Variants in SLC22A4 observed in about 807,000 individuals in gnomAD.
The protein encoded by SLC22A4 is solute carrier family 22 member 4, also known as ET transporter.
SLC22A4 carries 39 observed loss-of-function variants against 56.6 expected under a neutral mutation model. That is an observed-to-expected ratio of 0.69 (90% CI 0.53 to 0.90). The LOEUF (loss-of-function observed/expected upper bound fraction) is 0.90. Among genes scored for constraint, SLC22A4 ranks in the 40% least tolerant of loss-of-function variants. The probability of loss-of-function intolerance (pLI) is 0.00; values close to 1 mark genes in which losing one functional copy is unlikely to be tolerated. For synonymous variants in SLC22A4, 241 were observed against 281.4 expected, an observed-to-expected ratio of 0.86 and a Z score of 1.44; for missense variants, 594 against 696.5, an observed-to-expected ratio of 0.85 and a Z score of 1.66.
At chr5:132,316,420 C>T (rs920138845) in intron 3 of SLC22A4, among the ~76,000 whole-genome samples, 11 of 152,110 alleles carry the variant, frequency 7.2e-5, no homozygotes, top group Non-Finnish European at 1.3e-4. Context: ...GTTCCAGCTC[C>T]CCTCACAATC....
intron 1 of SLC22A4, among the ~76,000 whole-genome samples, chr5:132,309,964 G>T (rs1171315047): frequency 6.6e-6 from 1 of 152,272 alleles, no homozygotes; most frequent in East Asian, 1.9e-4. Flanking sequence ...ACTGCAGATG[G>T]AATGATGATG....
intron 1 of SLC22A4, among the ~76,000 whole-genome samples, chr5:132,310,260 T>A (rs1225903201): frequency 6.6e-6 from 1 of 152,256 alleles, no homozygotes; most frequent in Non-Finnish European, 1.5e-5. Context: ...TCTCACAGTC[T>A]CAGTTTAATC....
In SLC22A4 at chr5:132,313,517, A is replaced by G. The variant is rs1343584429; in HGVS notation, c.498-97A>G. The G allele has an allele frequency of 8.5e-6, 10 of 1,171,936 alleles. No individual in the cohort carries two copies. The Admixed American group carries it at 1.7e-4, about 20-fold the overall frequency. 72.6% of individuals were successfully genotyped at this position (1,171,936 alleles called of 1,614,324 possible). ...GAGAAAAAAGTCTGCCAGAGCCCTG[A>G]AAAAACACTAAGTCTGCATTGATGC... On this transcript the variant is annotated intron_variant, in intron 2 of 9. Coordinates refer to ENST00000200652, the MANE Select transcript of SLC22A4 (RefSeq NM_003059.3).
intron 6 of SLC22A4, chr5:132,332,317 A>G (rs753709542): frequency 4.4e-4 from 84 of 190,834 alleles, no homozygotes; most frequent in Admixed American, 5.8e-4. Context: ...CCATCTAAAA[A>G]AAAAAAAGTC....
intron 1 of SLC22A4, among the ~76,000 whole-genome samples, chr5:132,307,562 C>G (rs957822508): frequency 2.0e-5 from 3 of 152,178 alleles, no homozygotes; most frequent in Non-Finnish European, 4.4e-5. Context: ...ATAAAATGCT[C>G]TACTAGTATG....
At chr5:132,334,657 C>T (rs1262343185) in intron 6 of SLC22A4, 61 bp from the exon 7 acceptor site, 1 of 1,153,560 alleles carries the variant, frequency 8.7e-7, no homozygotes, top group Non-Finnish European at 1.3e-6. Flanking sequence ...ATTTCTTGAC[C>T]ATCATAAAAT....
At chr5:132,311,682 A>T (rs1310466813) in intron 1 of SLC22A4, 1 of 186,004 alleles carries the variant, frequency 5.4e-6, no homozygotes, top group Non-Finnish European at 1.1e-5. Flanking sequence ...AGCTCCTGGA[A>T]CCACTTGCAC....
chr5:132,295,081 C>T, intron 1 of SLC22A4, 72 bp downstream of exon 1: 1 of 1,505,818 alleles, frequency 6.6e-7, no homozygotes, highest in Non-Finnish European at 9.1e-7. Flanking sequence ...CCTTGAGACT[C>T]CCTGCGCAGT....
chr5:132,340,336 C>A (rs73787148), intron 8 of SLC22A4, among the ~76,000 whole-genome samples: 51 of 152,140 alleles, frequency 3.4e-4, no homozygotes, highest in African/African-American at 1.2e-3. Flanking sequence ...TAGAGGATAC[C>A]AGTTGACAGG....
At chr5:132,331,444 T>C (rs1750857069) in intron 5 of SLC22A4, among the ~76,000 whole-genome samples, 1 of 152,130 alleles carries the variant, frequency 6.6e-6, no homozygotes, top group African/African-American at 2.4e-5. Flanking sequence ...CAGATCAGTG[T>C]GGTAAATGAC....
At chr5:132,315,431 A>G (rs1366595337) in intron 3 of SLC22A4, among the ~76,000 whole-genome samples, 1 of 152,136 alleles carries the variant, frequency 6.6e-6, no homozygotes, top group African/African-American at 2.4e-5. Context: ...AATGGGCAGC[A>G]CTGAGATCTG....
At chr5:132,306,221 A>G (rs1480869674) in intron 1 of SLC22A4, among the ~76,000 whole-genome samples, 2 of 151,502 alleles carry the variant, frequency 1.3e-5, no homozygotes, top group Non-Finnish European at 2.9e-5. Flanking sequence ...CAACAATTTC[A>G]CTACTATGTA....
intron 3 of SLC22A4, among the ~76,000 whole-genome samples, chr5:132,319,002 G>A (rs892012796): frequency 6.6e-6 from 1 of 152,132 alleles, no homozygotes; most frequent in Admixed American, 6.5e-5. Flanking sequence ...TACTCAGAGG[G>A]GTCTGGCTGG....
intron 6 of SLC22A4, among the ~76,000 whole-genome samples, chr5:132,334,093 G>GC (rs1195592786): frequency 4.6e-5 from 7 of 152,106 alleles, no homozygotes; most frequent in Non-Finnish European, 8.8e-5. Flanking sequence ...TCAGGCATGA[G>GC]CCACCACGCA....
intron 1 of SLC22A4, among the ~76,000 whole-genome samples, chr5:132,302,728 G>C (rs1051450392): frequency 1.3e-5 from 2 of 152,204 alleles, no homozygotes; most frequent in African/African-American, 4.8e-5. Flanking sequence ...TGGTAGAGCT[G>C]TGGTGGATCC....
At chr5:132,312,635 A>T (rs746652758) in intron 2 of SLC22A4, among the ~76,000 whole-genome samples, 1 of 152,164 alleles carries the variant, frequency 6.6e-6, no homozygotes, top group Non-Finnish European at 1.5e-5. Flanking sequence ...ATGGCACAGG[A>T]TCTGTCTGCA....
chr5:132,324,867 C>CA (rs200862954), intron 4 of SLC22A4, among the ~76,000 whole-genome samples: 35 of 150,692 alleles, frequency 2.3e-4, no homozygotes, highest in East Asian at 9.7e-4. Context: ...TTATGTGCAC[C>CA]AAAAAAAAAT....
In SLC22A4 at chr5:132,336,152, A is replaced by C. The variant is rs553574816; in HGVS notation, c.1444+152A>C. ...TCCCAGGAGGAGCTCTAGAAAGCCAATCACAAACTGGTGAGTAGCGCTACA... is the reference window on the plus strand; with the variant it reads ...TCCCAGGAGGAGCTCTAGAAAGCCACTCACAAACTGGTGAGTAGCGCTACA... On this transcript the variant is annotated intron_variant, in intron 8 of 9. Coordinates refer to ENST00000200652, the MANE Select transcript of SLC22A4 (RefSeq NM_003059.3). 1.2e-5 allele frequency: 9 copies of C among 769,790 alleles called. No individual in the cohort carries two copies. The African/African-American group carries it at 1.5e-4, about 13-fold the overall frequency. The allele number at this position is 769,790 out of a possible 1,614,324, so 47.7% of individuals were successfully genotyped here.
chr5:132,338,563 A>G (rs1156629256), intron 8 of SLC22A4, among the ~76,000 whole-genome samples: 1 of 152,218 alleles, frequency 6.6e-6, no homozygotes, highest in African/African-American at 2.4e-5. Flanking sequence ...TCATCCCTAC[A>G]GCTACAACCG....
Sources: gnomAD v4.1 joint callset for allele counts (sites outside exome capture counted in the v4.1 genomes callset) on GRCh38, gnomAD v4.1.1 for gene constraint, MANE v1.5 for transcripts, NCBI Gene and HGNC (gene_info 2026-07-23, HGNC 2026-07-21) for gene names.